The following OPCML variants were observed in gnomAD, a reference collection of about 807,000 sequenced individuals.
OPCML encodes the protein opioid binding protein/cell adhesion molecule like.
OPCML carries 13 observed loss-of-function variants against 37.8 expected under a neutral mutation model. The ratio of observed to expected loss-of-function variants is 0.34; its 90% confidence interval spans 0.22 to 0.55. OPCML has a LOEUF of 0.55. Among genes scored for constraint, OPCML ranks in the 20% least tolerant of loss-of-function variants. The pLI, the probability that OPCML is intolerant of heterozygous loss-of-function variation, is 0.91. For synonymous variants in OPCML, 176 were observed against 168.8 expected, an observed-to-expected ratio of 1.04 and a Z score of -0.33; for missense variants, 341 against 435.6, an observed-to-expected ratio of 0.78 and a Z score of 1.93.
chr11:133,423,663 C>T (rs949915450), intron 1 of OPCML, among the ~76,000 whole-genome samples: 9 of 152,146 alleles, frequency 5.9e-5, no homozygotes, highest in South Asian at 4.1e-4. Flanking sequence ...GTGGTGCAAG[C>T]GCCCTGAGAG....
At chr11:133,146,529 G>A (rs1022958012) in intron 1 of OPCML, among the ~76,000 whole-genome samples, 2 of 152,184 alleles carry the variant, frequency 1.3e-5, no homozygotes, top group Middle Eastern at 3.4e-3. Context: ...TGGCAGGGCT[G>A]ATCTTGAACT....
chr11:133,432,557 C>T (rs1477848898), intron 1 of OPCML, among the ~76,000 whole-genome samples: 2 of 152,154 alleles, frequency 1.3e-5, no homozygotes, highest in Middle Eastern at 6.8e-3. Context: ...ATTTATTCTG[C>T]TTGTAATTTG....
intron 1 of OPCML, among the ~76,000 whole-genome samples, chr11:133,054,237 A>G (rs1948181996): frequency 6.6e-6 from 1 of 152,164 alleles, no homozygotes. Flanking sequence ...AGATCAGCTC[A>G]TACTTCTGTC....
chr11:133,420,766 C>T, intron 1 of OPCML: 1 of 985,322 alleles, frequency 1.0e-6, no homozygotes, highest in South Asian at 4.7e-5. Context: ...ATTCAGCCTT[C>T]AAGTTGAAAT....
chr11:132,761,412 G>C (rs933919306), intron 2 of OPCML, among the ~76,000 whole-genome samples: 2 of 151,948 alleles, frequency 1.3e-5, no homozygotes, highest in Non-Finnish European at 2.9e-5. Flanking sequence ...TTCCAACTTG[G>C]TTCCATTTTC....
chr11:133,356,990 C>T (rs1273405376), intron 1 of OPCML, among the ~76,000 whole-genome samples: 1 of 152,202 alleles, frequency 6.6e-6, no homozygotes, highest in Non-Finnish European at 1.5e-5. Context: ...AGACCAAGGG[C>T]ACCCTATGTC....
intron 3 of OPCML, among the ~76,000 whole-genome samples, chr11:132,559,204 A>T: frequency 6.6e-6 from 1 of 152,060 alleles, no homozygotes; most frequent in South Asian, 2.1e-4. Flanking sequence ...AAAGGGAGGA[A>T]GGAGAACATG....
At chr11:133,377,770 T>C (rs1944846349) in intron 1 of OPCML, among the ~76,000 whole-genome samples, 1 of 152,134 alleles carries the variant, frequency 6.6e-6, no homozygotes, top group Admixed American at 6.5e-5. Context: ...TTCATTCTCC[T>C]CACTAAATTA....
chr11:133,480,254 C>G (rs989971081), intron 1 of OPCML, among the ~76,000 whole-genome samples: 1 of 152,218 alleles, frequency 6.6e-6, no homozygotes, highest in Non-Finnish European at 1.5e-5. Context: ...TGTTGAATCT[C>G]TCACATCTCA....
chr11:132,721,657 G>A (rs544156410), intron 2 of OPCML, among the ~76,000 whole-genome samples: 1 of 152,274 alleles, frequency 6.6e-6, no homozygotes, highest in African/African-American at 2.4e-5. Context: ...AAGTATGAGG[G>A]ATGAAACAAG....
chr11:133,526,724 A>G (rs4373944), intron 1 of OPCML, among the ~76,000 whole-genome samples: 5,187 of 152,290 alleles, frequency 0.034, 104 homozygotes, highest in South Asian at 0.06. Context: ...GGGAAAATGC[A>G]GAGGCAACCA....
intron 3 of OPCML, among the ~76,000 whole-genome samples, chr11:132,650,900 C>G (rs1316994474): frequency 6.6e-6 from 1 of 152,036 alleles, no homozygotes; most frequent in African/African-American, 2.4e-5. Context: ...TTCTTTAAGT[C>G]TATAAGCACA....
intron 1 of OPCML, among the ~76,000 whole-genome samples, chr11:133,417,858 G>A (rs558379672): frequency 1.3e-5 from 2 of 152,190 alleles, no homozygotes; most frequent in African/African-American, 4.8e-5. Context: ...GGTAATTGAG[G>A]TCCAGAGAAA....
At chr11:132,878,328 A>G (rs2136419897) in intron 2 of OPCML, among the ~76,000 whole-genome samples, 1 of 152,316 alleles carries the variant, frequency 6.6e-6, no homozygotes, top group African/African-American at 2.4e-5. Context: ...CATGAGATTA[A>G]CTTTTGAATC....
At chr11:132,641,242 G>A (rs1005674281) in intron 3 of OPCML, among the ~76,000 whole-genome samples, 25 of 152,138 alleles carry the variant, frequency 1.6e-4, no homozygotes, top group African/African-American at 6.0e-4. Flanking sequence ...GAACATATAT[G>A]TTCCTTAAGG....
At chr11:132,756,857 T>A (rs1264704178) in intron 2 of OPCML, among the ~76,000 whole-genome samples, 2 of 152,170 alleles carry the variant, frequency 1.3e-5, no homozygotes, top group African/African-American at 4.8e-5. Context: ...GGCAAACATG[T>A]GCCATGGTGG....
chr11:133,237,573 G>T (rs1940567449), intron 1 of OPCML, among the ~76,000 whole-genome samples: 1 of 152,182 alleles, frequency 6.6e-6, no homozygotes, highest in South Asian at 2.1e-4. Context: ...GAGGGAGGGT[G>T]TTAGGCTAAA....
intron 1 of OPCML, among the ~76,000 whole-genome samples, chr11:132,945,226 T>C (rs1258050867): frequency 6.6e-6 from 1 of 152,224 alleles, no homozygotes. Flanking sequence ...GATTTTGTCA[T>C]TGTGTGACTA....
intron 2 of OPCML, among the ~76,000 whole-genome samples, chr11:132,936,930 C>T (rs1184183799): frequency 6.6e-6 from 1 of 151,924 alleles, no homozygotes; most frequent in East Asian, 1.9e-4. Flanking sequence ...TAATTTGGTG[C>T]TGTCTTGTAT....
Sources: allele counts gnomAD v4.1 joint callset (sites outside exome capture counted in the v4.1 genomes callset), GRCh38; gene constraint gnomAD v4.1.1; transcripts MANE v1.5; gene names NCBI Gene and HGNC (gene_info 2026-07-23, HGNC 2026-07-21).